The following ESYT2 variants were observed in gnomAD, a reference collection of about 807,000 sequenced individuals.
The protein encoded by ESYT2 is extended synaptotagmin 2.
Under a neutral mutation model 107.2 loss-of-function variants are expected in ESYT2, and 54 were observed. That is an observed-to-expected ratio of 0.50 (90% confidence interval 0.40 to 0.63). The LOEUF (loss-of-function observed/expected upper bound fraction) is 0.63, where lower values mean the gene tolerates loss of function less well. Among genes scored for constraint, ESYT2 ranks in the 30% least tolerant of loss-of-function variants. The pLI, the probability that ESYT2 is intolerant of heterozygous loss-of-function variation, is 0.00. For synonymous variants in ESYT2, 491 were observed against 434.1 expected, an observed-to-expected ratio of 1.13 and a Z score of -1.63; for missense variants, 1,020 against 1,094.5, an observed-to-expected ratio of 0.93 and a Z score of 0.96.
At position 158,788,105 on chromosome 7, in the gene ESYT2, C is replaced by T; in HGVS notation, c.658-12G>A. 6.2e-7 allele frequency: 1 copy of T among 1,608,734 alleles called. No homozygotes were observed. The highest frequency in any genetic ancestry group is 8.5e-7 in the Non-Finnish European group (1 of 1,175,216). The stretch of plus-strand genomic sequence containing the variant: ...ATGGTACCATGAATCTAAACTCAAA[C>T]AGGAAACCAAAATATGTAATAGAAA... On this transcript the variant is annotated splice_polypyrimidine_tract_variant and intron_variant, in intron 5 of 22. Coordinates refer to ENST00000275418, the MANE Select transcript of ESYT2 (RefSeq NM_001367773.1).
chr7:158,800,367 C>T (rs1213029324), intron 1 of ESYT2, among the ~76,000 whole-genome samples: 3 of 151,838 alleles, frequency 2.0e-5, no homozygotes, highest in Non-Finnish European at 2.9e-5. Context: ...TATTTTAGCC[C>T]CAATGGCAGA....
intron 6 of ESYT2, among the ~76,000 whole-genome samples, chr7:158,783,760 C>T (rs558336997): frequency 6.6e-6 from 1 of 152,340 alleles, no homozygotes; most frequent in African/African-American, 2.4e-5. Flanking sequence ...GTGCACATCA[C>T]GTGGTGGCAC....
chr7:158,775,658 C>T (rs1838536754), intron 6 of ESYT2, among the ~76,000 whole-genome samples: 1 of 152,214 alleles, frequency 6.6e-6, no homozygotes, highest in African/African-American at 2.4e-5. Context: ...AACTACGGTT[C>T]TCTCACTATT....
chr7:158,743,413 G>A (rs1837280480), intron 17 of ESYT2, 116 bp downstream of exon 17: 8 of 1,369,750 alleles, frequency 5.8e-6, no homozygotes, highest in East Asian at 2.6e-5. Context: ...CTGCGGCCCA[G>A]AGCTGCAGCC....
chr7:158,749,850 C>T lies in ESYT2; in HGVS notation c.1483-127G>A, dbSNP rs1318980538. ...TTATCTCTGATATTTAAGGGAATATCTGGGAACAATTTAATGGGAAAACAT... is the reference window on the plus strand; with the variant it reads ...TTATCTCTGATATTTAAGGGAATATTTGGGAACAATTTAATGGGAAAACAT... On this transcript the variant is annotated intron_variant, in intron 14 of 22. Coordinates refer to ENST00000275418, the MANE Select transcript of ESYT2 (RefSeq NM_001367773.1). The T allele has an allele frequency of 2.5e-5, 21 of 827,964 alleles. No homozygotes were observed. The Admixed American group carries it at 5.0e-4, about 20-fold the overall frequency. 51.3% of individuals were successfully genotyped at this position (827,964 alleles called of 1,614,324 possible).
chr7:158,768,984 A>G lies in ESYT2; in HGVS notation c.804-1210T>C, dbSNP rs111381089. 2.6e-4 allele frequency among the ~76,000 whole-genome samples: 40 copies of G among 152,356 alleles called. 3 individuals carry two copies. The highest frequency in any genetic ancestry group is 6.7e-4 in the African/African-American group (28 of 41,582). On this transcript the variant is annotated intron_variant, in intron 7 of 22. Coordinates refer to ENST00000275418, the MANE Select transcript of ESYT2 (RefSeq NM_001367773.1). ...TTATAAACCTAAGTTTCGTTGCTGT[A>G]TAACACCTTTACCTGAATTGTGAAG...
intron 1 of ESYT2, among the ~76,000 whole-genome samples, chr7:158,823,260 G>GCC (rs1434286939): frequency 8.4e-6 from 1 of 118,858 alleles, no homozygotes; most frequent in Non-Finnish European, 1.6e-5. Context: ...GTGCCACTGT[G>GCC]CCCCAGCCTG....
At chr7:158,772,926 A>AGTAT (rs1838426697) in intron 7 of ESYT2, among the ~76,000 whole-genome samples, 1 of 149,900 alleles carries the variant, frequency 6.7e-6, no homozygotes, top group Non-Finnish European at 1.5e-5. Flanking sequence ...AGGGTGGGGT[A>AGTAT]GCCATAGGCT....
chr7:158,807,458 A>G (rs1839865657), intron 1 of ESYT2, among the ~76,000 whole-genome samples: 1 of 152,142 alleles, frequency 6.6e-6, no homozygotes, highest in South Asian at 2.1e-4. Flanking sequence ...TCGGAAATTT[A>G]CCACCCTAAA....
chr7:158,742,015 AT>A lies in ESYT2; in HGVS notation c.1795-120del, dbSNP rs372419399. The A allele has an allele frequency of 5.1e-3, 6,159 of 1,217,580 alleles. 170 individuals are homozygous for A. The African/African-American group carries it at 0.07, about 14-fold the overall frequency. The allele number at this position is 1,217,580 out of a possible 1,614,324, so 75.4% of individuals were successfully genotyped here. ...TCTTTAAAACTTAGCTCAAAAAAAA[AT>A]TTTTTTTTAAAGGAAAGTTTAGGTA... On this transcript the variant is annotated intron_variant, in intron 17 of 22. Transcript: ENST00000275418.
chr7:158,785,429 A>ATAAG (rs1458980979), intron 6 of ESYT2, among the ~76,000 whole-genome samples: 1 of 13,342 alleles, frequency 7.5e-5, no homozygotes, highest in East Asian at 5.5e-4. Context: ...CCGTCTCAAA[A>ATAAG]TAAATAAATA....
At chr7:158,757,275 T>G (rs1447227042) in intron 13 of ESYT2, among the ~76,000 whole-genome samples, 1 of 152,210 alleles carries the variant, frequency 6.6e-6, no homozygotes, top group African/African-American at 2.4e-5. Context: ...GAAGTTCCAG[T>G]CCACATTCTG....
rs1321682886 is a variant in ESYT2, at chr7:158,829,359, C to G, written c.60G>C (p.Ala20=). Residue 20 remains alanine, a synonymous_variant, in exon 1 of 23, where the codon GCG becomes GCC. Coordinates refer to ENST00000275418, the MANE Select transcript of ESYT2 (RefSeq NM_001367773.1). Reference sequence around the variant, plus strand: ...GCACGCCCCCGGGGTTCTCAGGCGCCGCGCGGCCCCCAGCCCCGCCGGCGC... The same window carrying G: ...GCACGCCCCCGGGGTTCTCAGGCGCGGCGCGGCCCCCAGCCCCGCCGGCGC... ...EAGAGGAGGR[A]APENPGGVLS... 2 of 1,380,224 alleles carry G rather than the reference C, an allele frequency of 1.4e-6. No individual in the cohort carries two copies. The highest frequency in any genetic ancestry group is 3.2e-5 in the East Asian group (1 of 31,704). The allele number at this position is 1,380,224 out of a possible 1,614,324, so 85.5% of individuals were successfully genotyped here.
chr7:158,799,134 G>T, intron 1 of ESYT2, 62 bp from the exon 2 acceptor site: 1 of 1,435,316 alleles, frequency 7.0e-7, no homozygotes, highest in Non-Finnish European at 9.8e-7. Flanking sequence ...AAAATGTCAA[G>T]CAGGCAATTT....
At chr7:158,737,591 C>T (rs893573766) in intron 19 of ESYT2, among the ~76,000 whole-genome samples, 1 of 152,102 alleles carries the variant, frequency 6.6e-6, no homozygotes, top group Admixed American at 6.6e-5. Flanking sequence ...GTCAGGTGCC[C>T]AGCTGCACAG....
intron 9 of ESYT2, 94 bp from the exon 10 acceptor site, chr7:158,763,259 C>G: frequency 1.6e-6 from 1 of 639,732 alleles, no homozygotes; most frequent in Non-Finnish European, 2.4e-6. Flanking sequence ...TGACCAGGTA[C>G]TTTTCTCTGG....
chr7:158,795,131 T>C (rs1839420723), intron 3 of ESYT2, among the ~76,000 whole-genome samples: 1 of 152,200 alleles, frequency 6.6e-6, no homozygotes, highest in African/African-American at 2.4e-5. Flanking sequence ...AAGGCAACAT[T>C]GCCCAGCTGC....
intron 1 of ESYT2, among the ~76,000 whole-genome samples, chr7:158,820,044 T>A (rs940142921): frequency 3.9e-5 from 6 of 152,232 alleles, no homozygotes; most frequent in African/African-American, 1.4e-4. Flanking sequence ...TGCTTCTTAC[T>A]TTGTACTGAT....
In ESYT2 at chr7:158,748,104, G is replaced by A. The variant is rs1338683663; in HGVS notation, c.1644+90C>T. Reference sequence around the variant, plus strand: ...CCTGATTCTGGCGATGGATCCCCAGGTGTATACACGGGTCACAACTCAGCA... The same window carrying A: ...CCTGATTCTGGCGATGGATCCCCAGATGTATACACGGGTCACAACTCAGCA... On this transcript the variant is annotated intron_variant, in intron 16 of 22. Coordinates refer to ENST00000275418, the MANE Select transcript of ESYT2 (RefSeq NM_001367773.1). The A allele has an allele frequency of 6.1e-6, 7 of 1,150,574 alleles. No individual in the cohort carries two copies. In the Admixed American group the frequency reaches 8.0e-5, roughly 13 times the overall value. 71.3% of individuals were successfully genotyped at this position (1,150,574 alleles called of 1,614,324 possible).
Sources: allele counts gnomAD v4.1 joint callset (sites outside exome capture counted in the v4.1 genomes callset), GRCh38; gene constraint gnomAD v4.1.1; transcripts MANE v1.5; gene names NCBI Gene and HGNC (gene_info 2026-07-23, HGNC 2026-07-21).